Variants in NPAS2 observed in about 807,000 individuals in gnomAD.
NPAS2 encodes the protein neuronal PAS domain-containing protein 2.
A neutral mutation model predicts 107.5 loss-of-function variants in NPAS2; 23 were observed. That is an observed-to-expected ratio of 0.21 (90% CI 0.15 to 0.30). The LOEUF is 0.30. Ranked by LOEUF, NPAS2 falls within the 10% of genes least tolerant of loss-of-function variation. NPAS2 has a pLI of 1.00. For missense variants in NPAS2, 756 were observed against 1,043.3 expected, an observed-to-expected ratio of 0.72 and a Z score of 3.79; for synonymous variants, 403 against 417.5, an observed-to-expected ratio of 0.97 and a Z score of 0.42.
intron 1 of NPAS2, among the ~76,000 whole-genome samples, chr2:100,896,077 G>A (rs1180250942): frequency 6.6e-6 from 1 of 152,202 alleles, no homozygotes. Context: ...GGTGTGCAAT[G>A]AATGGAACTC....
intron 1 of NPAS2, among the ~76,000 whole-genome samples, chr2:100,836,715 C>A (rs557100220): frequency 6.6e-6 from 1 of 152,180 alleles, no homozygotes; most frequent in Non-Finnish European, 1.5e-5. Context: ...TCCAATGCCT[C>A]CCTGGGTTCT....
intron 1 of NPAS2, among the ~76,000 whole-genome samples, chr2:100,887,883 G>T (rs558843509): frequency 6.6e-6 from 1 of 152,318 alleles, no homozygotes; most frequent in South Asian, 2.1e-4. Flanking sequence ...GGAAGAACTG[G>T]GCTGTCAAGC....
At chr2:100,944,864 A>C (rs1171695531) in intron 5 of NPAS2, among the ~76,000 whole-genome samples, 1 of 152,182 alleles carries the variant, frequency 6.6e-6, no homozygotes, top group Non-Finnish European at 1.5e-5. Context: ...TCTCTCACAC[A>C]GGTGACCCGG....
At chr2:100,969,903 T>G (rs1676440533) in intron 11 of NPAS2, among the ~76,000 whole-genome samples, 1 of 152,172 alleles carries the variant, frequency 6.6e-6, no homozygotes, top group South Asian at 2.1e-4. Flanking sequence ...ACCACCAATA[T>G]GTCCCATAAG....
At chr2:100,850,003 T>A (rs1311956472) in intron 1 of NPAS2, among the ~76,000 whole-genome samples, 2 of 95,608 alleles carry the variant, frequency 2.1e-5, no homozygotes. Context: ...TAACAGTAAC[T>A]CTTTTTGTAA....
At chr2:100,877,213 C>G (rs904772691) in intron 1 of NPAS2, among the ~76,000 whole-genome samples, 1 of 152,132 alleles carries the variant, frequency 6.6e-6, no homozygotes, top group African/African-American at 2.4e-5. Flanking sequence ...TGCCTGTAAT[C>G]CCAGCACTTG....
intron 1 of NPAS2, among the ~76,000 whole-genome samples, chr2:100,835,289 C>T (rs1372309357): frequency 6.6e-6 from 1 of 152,166 alleles, no homozygotes; most frequent in Non-Finnish European, 1.5e-5. Flanking sequence ...TAGAACAGCT[C>T]GTTTTTATTT....
intron 1 of NPAS2, among the ~76,000 whole-genome samples, chr2:100,903,752 C>T (rs1173074319): frequency 1.3e-5 from 2 of 152,136 alleles, no homozygotes; most frequent in Non-Finnish European, 2.9e-5. Context: ...CCCACTCCCA[C>T]AGCTGGCATT....
chr2:100,954,548 C>G (rs1365673083), intron 7 of NPAS2, among the ~76,000 whole-genome samples: 1 of 151,772 alleles, frequency 6.6e-6, no homozygotes, highest in Non-Finnish European at 1.5e-5. Flanking sequence ...GCCTGTAATC[C>G]CAGCTACTTG....
chr2:100,883,885 A>C (rs62152887), intron 1 of NPAS2, among the ~76,000 whole-genome samples: 29,831 of 146,904 alleles, frequency 0.2, 3,886 homozygotes, highest in Non-Finnish European at 0.29. Context: ...CCATCTTCTC[A>C]TTACACCTCC....
rs143461691 is a variant in NPAS2, at chr2:100,820,450, G to C, written c.-23+36G>C. On this transcript the variant is annotated intron_variant, in intron 1 of 20. Coordinates refer to ENST00000335681, the MANE Select transcript of NPAS2 (RefSeq NM_002518.4). This position sits in a 1 kb window ranked among gnomAD's most constrained non-coding sequence, Gnocchi z 5.6. ...GCGCCTAGGGGCGCGGGGGACCCAGGGTGGGTAGTACGTGCGCGCGGGGTC... is the reference window on the plus strand; with the variant it reads ...GCGCCTAGGGGCGCGGGGGACCCAGCGTGGGTAGTACGTGCGCGCGGGGTC... The C allele has an allele frequency of 0.015, 2,221 of 151,054 alleles. 24 individuals are homozygous for C. Among genetic ancestry groups the C allele is most frequent in the Non-Finnish European group, 0.024 (1,612 of 67,628 alleles). 9.4% of individuals were successfully genotyped at this position (151,054 alleles called of 1,614,324 possible).
At chr2:100,932,820 A>G (rs1684046081) in intron 3 of NPAS2, 90 bp from the exon 4 acceptor site, 2 of 905,352 alleles carry the variant, frequency 2.2e-6, no homozygotes, top group Admixed American at 3.8e-5. Context: ...AGTTTACACA[A>G]AATTACATAG....
At chr2:100,907,312 G>A (rs1369132823) in intron 2 of NPAS2, among the ~76,000 whole-genome samples, 1 of 151,924 alleles carries the variant, frequency 6.6e-6, no homozygotes, top group South Asian at 2.1e-4. Context: ...TTTGCTTTGG[G>A]CCATAAGCAT....
chr2:100,945,157 G>A (rs574215183), intron 5 of NPAS2, among the ~76,000 whole-genome samples: 127 of 152,176 alleles, frequency 8.3e-4, no homozygotes, highest in African/African-American at 2.7e-3. Flanking sequence ...GTAGAGTTTC[G>A]TCCATAAAGA....
intron 1 of NPAS2, among the ~76,000 whole-genome samples, chr2:100,897,764 C>G (rs1488193014): frequency 6.6e-6 from 1 of 152,212 alleles, no homozygotes; most frequent in Admixed American, 6.5e-5. Flanking sequence ...ATTTGCTTGC[C>G]TGCAGTTTTC....
At chr2:100,951,567 G>A (rs1440169699) in intron 7 of NPAS2, among the ~76,000 whole-genome samples, 1 of 152,200 alleles carries the variant, frequency 6.6e-6, no homozygotes, top group Non-Finnish European at 1.5e-5. Context: ...TATGCTGAGT[G>A]AAATAAGCCA....
At chr2:100,823,074 G>A (rs1302230720) in intron 1 of NPAS2, among the ~76,000 whole-genome samples, 1 of 152,174 alleles carries the variant, frequency 6.6e-6, no homozygotes, top group Non-Finnish European at 1.5e-5. Context: ...GTTCAGAATA[G>A]ATGCTCAGTA....
chr2:100,907,545 A>C (rs1682245691), intron 2 of NPAS2, among the ~76,000 whole-genome samples: 1 of 151,406 alleles, frequency 6.6e-6, no homozygotes, highest in Non-Finnish European at 1.5e-5. Context: ...TATTCTTTTC[A>C]AAGTAGTTTT....
intron 2 of NPAS2, among the ~76,000 whole-genome samples, chr2:100,914,534 GC>G (rs1338759168): frequency 6.6e-6 from 1 of 152,170 alleles, no homozygotes; most frequent in Admixed American, 6.5e-5. Context: ...AGAAGGGCCT[GC>G]CCAGTTCGTC....
Sources: gnomAD v4.1 joint callset for allele counts (sites outside exome capture counted in the v4.1 genomes callset) on GRCh38, gnomAD v4.1.1 for gene constraint, Gnocchi (gnomAD v3.1) non-coding constraint, MANE v1.5 for transcripts, NCBI Gene and HGNC (gene_info 2026-07-23, HGNC 2026-07-21) for gene names.